WDR7: variants seen among roughly 807,000 people sequenced by gnomAD.
WDR7 encodes the protein WD repeat-containing protein 7.
A neutral mutation model predicts 169.4 loss-of-function variants in WDR7; 46 were observed. That is an observed-to-expected ratio of 0.27 (90% CI 0.21 to 0.35). WDR7 has a LOEUF of 0.35. Ranked by LOEUF, WDR7 falls within the 10% of genes least tolerant of loss-of-function variation. The pLI is 1.00. For synonymous variants in WDR7, 612 were observed against 666.8 expected, an observed-to-expected ratio of 0.92 and a Z score of 1.27; for missense variants, 1,534 against 1,859.3, an observed-to-expected ratio of 0.83 and a Z score of 3.22.
In WDR7 at chr18:56,924,069, T is replaced by G; in HGVS notation, c.3674T>G (p.Leu1225Arg). Residue 1225 changes from leucine to arginine, a missense_variant, in exon 22 of 28, where the codon CTT becomes CGT. Leu to Arg is a moderately radical substitution (Grantham distance 102). Transcript: ENST00000254442. ...GATGTGTCCGCTGTTCTGATGGGGCTTCTCGAACTTTGTGCCGATGCCGAG... is the reference window on the plus strand; with the variant it reads ...GATGTGTCCGCTGTTCTGATGGGGCGTCTCGAACTTTGTGCCGATGCCGAG... ...YMDVSAVLMG[L>R]LELCADAEKQ... 2 of 1,613,112 alleles carry G rather than the reference T, an allele frequency of 1.2e-6. No individual in the cohort carries two copies. The highest frequency in any genetic ancestry group is 1.7e-6 in the Non-Finnish European group (2 of 1,179,710).
At chr18:56,967,193 A>ATACCAAAATCC (rs2047421965) in intron 26 of WDR7, among the ~76,000 whole-genome samples, 1 of 151,574 alleles carries the variant, frequency 6.6e-6, no homozygotes, top group African/African-American at 2.4e-5. Flanking sequence ...GCTTGGGTGG[A>ATACCAAAATCC]AAAGTTGAAG....
At chr18:56,932,119 C>G (rs1170459908) in intron 22 of WDR7, among the ~76,000 whole-genome samples, 1 of 152,156 alleles carries the variant, frequency 6.6e-6, no homozygotes, top group East Asian at 1.9e-4. Context: ...GACCATCTCT[C>G]TACCCTCACA....
intron 14 of WDR7, among the ~76,000 whole-genome samples, chr18:56,734,148 A>G (rs1199374042): frequency 6.6e-6 from 1 of 152,072 alleles, no homozygotes; most frequent in Non-Finnish European, 1.5e-5. Flanking sequence ...TCAGTTTTGC[A>G]TTCTTCCTTT....
At chr18:56,728,921 C>T (rs564760087) in intron 13 of WDR7, among the ~76,000 whole-genome samples, 100 of 152,252 alleles carry the variant, frequency 6.6e-4, no homozygotes, top group South Asian at 2.1e-3. Flanking sequence ...GCTGCAGGCC[C>T]GCTTTTCACC....
chr18:56,946,721 G>A (rs2047108220), intron 25 of WDR7, among the ~76,000 whole-genome samples: 1 of 151,972 alleles, frequency 6.6e-6, no homozygotes, highest in Non-Finnish European at 1.5e-5. Flanking sequence ...GTACATATAT[G>A]TGTGTGTGTA....
intron 20 of WDR7, among the ~76,000 whole-genome samples, chr18:56,848,279 C>A (rs2045595216): frequency 6.6e-6 from 1 of 152,188 alleles, no homozygotes; most frequent in Non-Finnish European, 1.5e-5. Flanking sequence ...TTTGTTCTGG[C>A]CAATTTCTTC....
At chr18:56,738,396 G>T (rs565669933) in intron 14 of WDR7, among the ~76,000 whole-genome samples, 1 of 152,170 alleles carries the variant, frequency 6.6e-6, no homozygotes, top group Admixed American at 6.5e-5. Context: ...GTGAAACCCT[G>T]CCTCTACAAA....
intron 1 of WDR7, among the ~76,000 whole-genome samples, chr18:56,669,215 T>C (rs1016164475): frequency 3.3e-5 from 5 of 152,088 alleles, no homozygotes; most frequent in African/African-American, 1.2e-4. Flanking sequence ...ATAAGTGAAA[T>C]TAGGGGAAAT....
intron 21 of WDR7, among the ~76,000 whole-genome samples, chr18:56,922,011 A>G (rs1310520829): frequency 2.6e-5 from 4 of 152,204 alleles, no homozygotes; most frequent in Admixed American, 2.6e-4. Flanking sequence ...TGCAATATTT[A>G]GCAAGGATTC....
At chr18:56,653,246 G>A (rs2024694377) in intron 1 of WDR7, among the ~76,000 whole-genome samples, 1 of 150,398 alleles carries the variant, frequency 6.6e-6, no homozygotes, top group Admixed American at 6.6e-5. Flanking sequence ...CGCTCTTATT[G>A]CCCAGGCTGG....
chr18:56,995,149 G>A (rs192746507), intron 26 of WDR7, among the ~76,000 whole-genome samples: 396 of 152,220 alleles, frequency 2.6e-3, no homozygotes, highest in African/African-American at 8.2e-3. Context: ...AGGGGTTACT[G>A]GTGTGCTTAG....
intron 6 of WDR7, 72 bp from the exon 7 acceptor site, chr18:56,686,783 C>T: frequency 7.8e-7 from 1 of 1,277,366 alleles, no homozygotes; most frequent in South Asian, 1.3e-5. Context: ...AATTTTGTTG[C>T]CTTTATCATT....
At chr18:56,709,826 A>G (rs8093970) in intron 12 of WDR7, among the ~76,000 whole-genome samples, 87,514 of 151,652 alleles carry the variant, frequency 0.58, 29,939 homozygotes, top group Non-Finnish European at 0.76. Context: ...GTCCCCTTTT[A>G]TTTTCTTTTA....
chr18:57,019,896 A>G (rs921074918), intron 26 of WDR7, among the ~76,000 whole-genome samples: 3 of 152,222 alleles, frequency 2.0e-5, no homozygotes, highest in Admixed American at 6.5e-5. Context: ...CAGATTGAAT[A>G]TTGGTTATTG....
At chr18:56,677,601 C>T (rs576741143) in intron 2 of WDR7, among the ~76,000 whole-genome samples, 3 of 152,246 alleles carry the variant, frequency 2.0e-5, no homozygotes, top group East Asian at 1.9e-4. Flanking sequence ...TCACCCACCT[C>T]GGACCTCCCA....
At chr18:56,820,359 A>AAAAAAAAAAC (rs1044771844) in intron 20 of WDR7, among the ~76,000 whole-genome samples, 2,149 of 127,234 alleles carry the variant, frequency 0.017, 114 homozygotes, top group African/African-American at 0.024. Context: ...AAAAAAAAAA[A>AAAAAAAAAAC]AAAAACCACC....
chr18:56,741,005 A>G (rs1054515183), intron 14 of WDR7, among the ~76,000 whole-genome samples: 5 of 152,124 alleles, frequency 3.3e-5, no homozygotes, highest in African/African-American at 1.2e-4. Context: ...TATCCAAGGT[A>G]CTTTAAAGCC....
At chr18:57,035,142 A>G in the WDR7 span, 1 of 152,104 alleles carries the variant, frequency 6.6e-6, no homozygotes, top group Non-Finnish European at 1.5e-5. Flanking sequence ...CATGCCCCCC[A>G]CTGGAGTGAC....
intron 19 of WDR7, among the ~76,000 whole-genome samples, chr18:56,782,684 A>G (rs2044337029): frequency 1.3e-5 from 2 of 152,174 alleles, no homozygotes; most frequent in Non-Finnish European, 2.9e-5. Context: ...CTCATTACAC[A>G]TGTCAAGATG....
Sources: allele counts gnomAD v4.1 joint callset (sites outside exome capture counted in the v4.1 genomes callset), GRCh38; gene constraint gnomAD v4.1.1; transcripts MANE v1.5; gene names NCBI Gene and HGNC (gene_info 2026-07-23, HGNC 2026-07-21).